Variants in ITIH5 observed in about 807,000 individuals in gnomAD.
The protein encoded by ITIH5 is inter-alpha-trypsin inhibitor heavy chain H5.
A neutral mutation model predicts 77.5 loss-of-function variants in ITIH5; 65 were observed. The observed-to-expected ratio is 0.84, with a 90% CI of 0.69 to 1.03. The LOEUF is 1.03. ITIH5 is among the 50% of genes least tolerant of loss of function. ITIH5 has a pLI of 0.00. For synonymous variants in ITIH5, 525 were observed against 494.3 expected (o/e 1.06, Z -0.82); for missense variants, 1,208 against 1,213.1 (o/e 1.00, Z 0.06).
chr10:7,572,452 T>C (rs1832321063), intron 11 of ITIH5: 2 of 1,338,176 alleles, frequency 1.5e-6, no homozygotes, highest in African/African-American at 3.0e-5. Flanking sequence ...GACATTTTTA[T>C]TTTGGTAGCA....
In ITIH5 at chr10:7,631,227, G is replaced by C. The variant is rs542433512; in HGVS notation, c.652+6001C>G. ...TATTTGATTTCATTGGCATGGGTGA[G>C]GCTTAAGCAATAGATTTATAAAAGC... On this transcript the variant is annotated intron_variant, in intron 5 of 13. Coordinates refer to ENST00000397146, the MANE Select transcript of ITIH5 (RefSeq NM_030569.7). Among the ~76,000 whole-genome samples the C allele has an allele frequency of 1.4e-3, 210 of 152,214 alleles. 1 individual carries two copies. Among genetic ancestry groups the C allele is most frequent in the African/African-American group, 4.7e-3 (197 of 41,520 alleles).
rs767404787 is a variant in ITIH5, at chr10:7,617,144, A to G, written c.791T>C (p.Val264Ala). ...GTCCCCAATGCTCTGTTCTCTATTG[A>G]CGTCATATCTAATGATAAAGTCTCC... The part of the protein sequence containing the change: ...ILGDFIIRYD[V>A]NREQSIGDIQ... The change falls in exon 6 of 14, where the codon GTC becomes GCC. Residue 264 changes from valine to alanine, a missense_variant. By Grantham distance (64) the Val-to-Ala change is moderately conservative (BLOSUM62 0). Coordinates refer to ENST00000397146, the MANE Select transcript of ITIH5 (RefSeq NM_030569.7). 1 of 1,597,970 alleles carries G rather than the reference A, an allele frequency of 6.3e-7. No homozygotes were observed. Among genetic ancestry groups the G allele is most frequent in the Non-Finnish European group, 8.5e-7 (1 of 1,174,636 alleles).
At chr10:7,665,583 C>T (rs1834348597) in intron 1 of ITIH5, among the ~76,000 whole-genome samples, 1 of 152,194 alleles carries the variant, frequency 6.6e-6, no homozygotes, top group Non-Finnish European at 1.5e-5. Context: ...AAGCCCATGC[C>T]TTCAGCCATC....
At chr10:7,615,879 G>T in intron 7 of ITIH5, 103 bp downstream of exon 7, 1 of 739,140 alleles carries the variant, frequency 1.4e-6, no homozygotes, top group South Asian at 1.6e-5. Context: ...ATCGCTGGAT[G>T]GTAAAGCTGA....
Position 7,576,904 on chromosome 10 carries a change from G to C in ITIH5, c.1527C>G (p.Gly509=), listed in dbSNP as rs1453041082. 1 of 1,614,058 alleles carries C rather than the reference G, an allele frequency of 6.2e-7. No homozygotes were observed. The highest frequency in any genetic ancestry group is 8.5e-7 in the Non-Finnish European group (1 of 1,180,040). ...TKTLFPNYFN[G]SEIIIAGKLV... The stretch of plus-strand genomic sequence containing the variant: ...GCTTCCCCGCAATGATGATCTCCGA[G>C]CCGTTGAAGTAGTTGGGGAACAGGG... Residue 509 remains glycine, a synonymous_variant, in exon 10 of 14, where the codon GGC becomes GGG. Coordinates refer to ENST00000397146, the MANE Select transcript of ITIH5 (RefSeq NM_030569.7).
rs114028276 is a variant in ITIH5, at chr10:7,646,274, G to C, written c.136-4184C>G. 6.6e-3 allele frequency among the ~76,000 whole-genome samples: 1,009 copies of C among 152,210 alleles called. 12 individuals carry two copies. Among genetic ancestry groups the C allele is most frequent in the African/African-American group, 0.023 (953 of 41,514 alleles). ...TCTGCTTTATTTAAAATTTAAACTG[G>C]TGTTTTAAAAATTATCAAGTAACAT... On this transcript the variant is annotated intron_variant, in intron 2 of 13. Transcript: ENST00000397146.
chr10:7,569,004 CTTTTTCTTTTTTTTTT>C (rs1453705938), intron 12 of ITIH5, among the ~76,000 whole-genome samples: 4 of 115,284 alleles, frequency 3.5e-5, no homozygotes, highest in Admixed American at 3.3e-4. Context: ...TTCTTTTTTT[CTTTTTCTTTTTTTTTT>C]TTTTTTTTTT....
chr10:7,600,368 G>A (rs911443367), intron 7 of ITIH5, among the ~76,000 whole-genome samples: 15 of 152,142 alleles, frequency 9.9e-5, no homozygotes, highest in Non-Finnish European at 1.8e-4. Flanking sequence ...TCTTCTTCTA[G>A]GTATTTTCCT....
intron 12 of ITIH5, among the ~76,000 whole-genome samples, chr10:7,567,575 G>A (rs1410638679): frequency 1.3e-5 from 2 of 151,372 alleles, no homozygotes; most frequent in Non-Finnish European, 2.9e-5. Context: ...ACCTATGAGT[G>A]AGAACATGCG....
chr10:7,569,605 C>G lies in ITIH5; in HGVS notation c.2149+63G>C, dbSNP rs1198937079. On this transcript the variant is annotated intron_variant, in intron 12 of 13. Transcript: ENST00000397146. Reference sequence around the variant, plus strand: ...GATCACTGGACATCCATCTGAAGAACAGAGGGGGATGCAGTACCTACCTGG... The same window carrying G: ...GATCACTGGACATCCATCTGAAGAAGAGAGGGGGATGCAGTACCTACCTGG... The G allele has an allele frequency of 6.8e-6, 7 of 1,030,696 alleles. No individual in the cohort carries two copies. The African/African-American group carries it at 9.7e-5, about 14-fold the overall frequency. The allele number at this position is 1,030,696 out of a possible 1,614,324, so 63.8% of individuals were successfully genotyped here.
intron 11 of ITIH5, chr10:7,572,403 A>C (rs754690908): frequency 7.3e-7 from 1 of 1,363,906 alleles, no homozygotes; most frequent in Non-Finnish European, 9.8e-7. Flanking sequence ...CACGAACTGA[A>C]AAAAATGAAA....
intron 12 of ITIH5, among the ~76,000 whole-genome samples, chr10:7,567,621 G>C (rs568994876): frequency 1.6e-4 from 25 of 152,164 alleles, no homozygotes; most frequent in Non-Finnish European, 3.5e-4. Context: ...AGTTTGCTCA[G>C]ACATCTTATG....
intron 11 of ITIH5, among the ~76,000 whole-genome samples, chr10:7,570,990 G>A (rs761947751): frequency 8.5e-5 from 13 of 152,108 alleles, no homozygotes; most frequent in African/African-American, 1.9e-4. Context: ...CGCTGTGCAC[G>A]GTGTAGGCAG....
At chr10:7,583,110 T>C (rs1832601176) in intron 8 of ITIH5, among the ~76,000 whole-genome samples, 1 of 152,098 alleles carries the variant, frequency 6.6e-6, no homozygotes, top group South Asian at 2.1e-4. Flanking sequence ...TAAACACATA[T>C]ACCTACTCTG....
rs568410008 is a variant in ITIH5, at chr10:7,635,823, C to T, written c.652+1405G>A. 7.9e-5 allele frequency among the ~76,000 whole-genome samples: 12 copies of T among 152,256 alleles called. No homozygotes were observed. In the South Asian group the frequency reaches 2.3e-3, roughly 29 times the overall value. ...TCTGATTCCGCTTGTCCAGGCAACG[C>T]TCTCTCTCTTCTCCTGCCGATCTTA... On this transcript the variant is annotated intron_variant, in intron 5 of 13. Coordinates refer to ENST00000397146, the MANE Select transcript of ITIH5 (RefSeq NM_030569.7).
At chr10:7,655,702 A>AGGTGAT in intron 1 of ITIH5, 27 bp from the exon 2 acceptor site, 1 of 1,584,908 alleles carries the variant, frequency 6.3e-7, no homozygotes, top group Non-Finnish European at 8.7e-7. Flanking sequence ...ACTGTTAAAA[A>AGGTGAT]GGTGATTTTT....
chr10:7,655,745 G>A, intron 1 of ITIH5, 70 bp from the exon 2 acceptor site: 2 of 1,190,046 alleles, frequency 1.7e-6, no homozygotes, highest in Non-Finnish European at 2.5e-6. Flanking sequence ...TGATTGTGAG[G>A]TCATTCTCAC....
intron 2 of ITIH5, among the ~76,000 whole-genome samples, chr10:7,646,088 G>A (rs1472319597): frequency 6.6e-6 from 1 of 152,060 alleles, no homozygotes; most frequent in East Asian, 1.9e-4. Context: ...ATCTAAACTG[G>A]TGTATAAGAA....
At chr10:7,594,636 TAGA>T (rs1832859382) in intron 7 of ITIH5, among the ~76,000 whole-genome samples, 1 of 152,172 alleles carries the variant, frequency 6.6e-6, no homozygotes, top group Non-Finnish European at 1.5e-5. Flanking sequence ...TGTCTGATTT[TAGA>T]AGGCCACTCT....
Sources: allele counts gnomAD v4.1 joint callset (sites outside exome capture counted in the v4.1 genomes callset), GRCh38; gene constraint gnomAD v4.1.1; transcripts MANE v1.5; gene names NCBI Gene and HGNC (gene_info 2026-07-23, HGNC 2026-07-21).